Variants in JMJD1C observed in about 807,000 individuals in gnomAD.
JMJD1C encodes the protein jumonji domain containing 1C, also known as jumonji domain-containing protein 1C.
JMJD1C carries 31 observed loss-of-function variants against 245.3 expected under a neutral mutation model. The ratio of observed to expected loss-of-function variants is 0.13; its 90% CI spans 0.09 to 0.17. JMJD1C has a LOEUF of 0.17. Among genes scored for constraint, JMJD1C ranks in the 10% least tolerant of loss-of-function variants. The pLI, the probability that JMJD1C is intolerant of heterozygous loss-of-function variation, is 1.00. For missense variants in JMJD1C, 2,691 were observed against 3,000.2 expected (o/e 0.90, Z 2.41); for synonymous variants, 1,057 against 1,017.4 (o/e 1.04, Z -0.74).
chr10:63,203,379 C>T (rs1416873697), intron 10 of JMJD1C: 58 of 984,810 alleles, frequency 5.9e-5, no homozygotes, highest in Non-Finnish European at 6.8e-5. Context: ...CCTTAGTTCT[C>T]TAGTAGCAAA....
chr10:63,347,317 C>T (rs1050398422), intron 2 of JMJD1C, among the ~76,000 whole-genome samples: 1 of 152,048 alleles, frequency 6.6e-6, no homozygotes, highest in Non-Finnish European at 1.5e-5. Flanking sequence ...GGTGTGGTGG[C>T]TCACGCCTGT....
chr10:63,269,554 T>C (rs1365897927), intron 2 of JMJD1C, among the ~76,000 whole-genome samples: 1 of 152,208 alleles, frequency 6.6e-6, no homozygotes, highest in Admixed American at 6.5e-5. Flanking sequence ...AAGCATCAAA[T>C]ATACTTTGTA....
intron 1 of JMJD1C, among the ~76,000 whole-genome samples, chr10:63,507,251 A>C (rs1277964933): frequency 6.6e-6 from 1 of 152,194 alleles, no homozygotes; most frequent in Admixed American, 6.5e-5. Flanking sequence ...GCGTGAACAT[A>C]TTTCAATTCA....
chr10:63,411,293 ATTTTT>A (rs58719205), intron 1 of JMJD1C, among the ~76,000 whole-genome samples: 7 of 84,560 alleles, frequency 8.3e-5, no homozygotes, highest in South Asian at 7.7e-4. Flanking sequence ...TGTGTCACTG[ATTTTT>A]TTTTTTTTTT....
chr10:63,443,106 G>A (rs1951489807), intron 1 of JMJD1C, among the ~76,000 whole-genome samples: 1 of 152,096 alleles, frequency 6.6e-6, no homozygotes, highest in Non-Finnish European at 1.5e-5. Context: ...AGGTAATTTG[G>A]TGCAATAACT....
At chr10:63,453,912 T>G (rs577770046) in intron 1 of JMJD1C, among the ~76,000 whole-genome samples, 1,670 of 152,082 alleles carry the variant, frequency 0.011, 15 homozygotes, top group Middle Eastern at 0.017. Context: ...TAGTAGAGAC[T>G]GGGTTTCACC....
intron 10 of JMJD1C, chr10:63,202,732 A>C: frequency 1.0e-6 from 1 of 985,426 alleles, no homozygotes; most frequent in Middle Eastern, 5.2e-4. Context: ...CAGAAGACTT[A>C]TGTAAAATGT....
In JMJD1C at chr10:63,168,491, A is replaced by G. The variant is rs372033085; in HGVS notation, c.7477T>C (p.Leu2493=). ...SPEHLVESFH[L]TQELRLLKEE... ...TTCAAAAGTCTCAGTTCCTGTGTTA[A>G]ATGAAATGACTCTACAAGATGTTCT... Residue 2493 remains leucine, a synonymous_variant, in exon 25 of 26, where the codon TTA becomes CTA. Transcript: ENST00000399262. 8 of 1,611,054 alleles carry G rather than the reference A, an allele frequency of 5.0e-6. No homozygotes were observed. Among genetic ancestry groups the G allele is most frequent in the Non-Finnish European group, 5.1e-6 (6 of 1,178,558 alleles).
At chr10:63,280,488 T>G (rs1292387606) in intron 2 of JMJD1C, among the ~76,000 whole-genome samples, 1 of 152,050 alleles carries the variant, frequency 6.6e-6, no homozygotes, top group Non-Finnish European at 1.5e-5. Context: ...AAGCGGAGGT[T>G]GCAGTGGGGC....
rs1564973324 is a variant in JMJD1C, at chr10:63,500,757, ATGGATGG to A, written n.113+20974_113+20980del. Reference sequence around the variant, plus strand: ...GATGGATGGATGGAAGGATGGATGGATGGATGGATGGATGGATGGATGGATGGATGGA... The same window carrying A: ...GATGGATGGATGGAAGGATGGATGGAATGGATGGATGGATGGATGGATGGA... On this transcript the variant is annotated intron_variant and non_coding_transcript_variant, in intron 1 of 3. Coordinates refer to the JMJD1C transcript ENST00000633035. Among the ~76,000 whole-genome samples, 1,339 of 150,612 alleles carry A rather than the reference ATGGATGG, an allele frequency of 8.9e-3. 17 individuals carry two copies. The highest frequency in any genetic ancestry group is 0.031 in the African/African-American group (1,257 of 41,010).
At chr10:63,188,188 A>G (rs1330336143) in intron 18 of JMJD1C, among the ~76,000 whole-genome samples, 1 of 152,200 alleles carries the variant, frequency 6.6e-6, no homozygotes. Context: ...TCACATAATT[A>G]TGAAAACAAT....
intron 1 of JMJD1C, among the ~76,000 whole-genome samples, chr10:63,498,623 GA>G (rs1431958293): frequency 6.6e-6 from 1 of 152,040 alleles, no homozygotes; most frequent in African/African-American, 2.4e-5. Context: ...AAAAAACCTG[GA>G]AAATGTAGTG....
Position 63,393,987 on chromosome 10 carries a change from C to T in JMJD1C, c.169-13505G>A, listed in dbSNP as rs146106497. On this transcript the variant is annotated intron_variant, in intron 1 of 25. Coordinates refer to ENST00000399262, the MANE Select transcript of JMJD1C (RefSeq NM_032776.3). ...CCTGAGGTCGAGAGGAGTTCGAGAC[C>T]AGTCTGGCCAACATGGCAAAGCCTC... Among the ~76,000 whole-genome samples, 66 of 152,174 alleles carry T rather than the reference C, an allele frequency of 4.3e-4. 1 individual carries two copies. Among genetic ancestry groups the T allele is most frequent in the Non-Finnish European group, 7.4e-5 (5 of 68,002 alleles).
intron 10 of JMJD1C, chr10:63,204,999 T>C: frequency 1.0e-6 from 1 of 985,326 alleles, no homozygotes; most frequent in Non-Finnish European, 1.2e-6. Context: ...ACGGACATAG[T>C]GAAACTAAGT....
chr10:63,401,131 C>G (rs57021645), intron 1 of JMJD1C, among the ~76,000 whole-genome samples: 2 of 152,242 alleles, frequency 1.3e-5, no homozygotes, highest in East Asian at 1.9e-4. Flanking sequence ...AGTGCTGGGA[C>G]TACAGGCGTG....
intron 1 of JMJD1C, among the ~76,000 whole-genome samples, chr10:63,383,880 T>G (rs1947395452): frequency 6.6e-6 from 1 of 152,136 alleles, no homozygotes; most frequent in Non-Finnish European, 1.5e-5. Context: ...GGTGGGGTGT[T>G]TGTGACAATT....
intron 1 of JMJD1C, among the ~76,000 whole-genome samples, chr10:63,440,420 G>A (rs931659685): frequency 1.2e-4 from 18 of 151,008 alleles, no homozygotes; most frequent in African/African-American, 3.9e-4. Context: ...AAGGAGAGTC[G>A]ATTAAGGAAG....
intron 3 of JMJD1C, among the ~76,000 whole-genome samples, chr10:63,235,198 G>C (rs1850583341): frequency 6.6e-6 from 1 of 152,028 alleles, no homozygotes; most frequent in Non-Finnish European, 1.5e-5. Context: ...AATATAAATA[G>C]CAATTTAAGA....
chr10:63,255,082 G>A lies in JMJD1C; in HGVS notation c.447+9569C>T, dbSNP rs374126562. Among the ~76,000 whole-genome samples the A allele has an allele frequency of 7.2e-5, 11 of 152,126 alleles. 1 individual carries two copies. Among genetic ancestry groups the A allele is most frequent in the African/African-American group, 2.4e-4 (10 of 41,492 alleles). ...CCCAGTCTCAAATGCCTGAGCTCAAGCAATCCTCCCACCTCGGCCTCCCAA... is the reference window on the plus strand; with the variant it reads ...CCCAGTCTCAAATGCCTGAGCTCAAACAATCCTCCCACCTCGGCCTCCCAA... On this transcript the variant is annotated intron_variant, in intron 3 of 25. Coordinates refer to ENST00000399262, the MANE Select transcript of JMJD1C (RefSeq NM_032776.3).
Sources: allele counts gnomAD v4.1 joint callset (sites outside exome capture counted in the v4.1 genomes callset), GRCh38; gene constraint gnomAD v4.1.1; transcripts MANE v1.5; gene names NCBI Gene and HGNC (gene_info 2026-07-23, HGNC 2026-07-21).